The following NFASC variants were observed in gnomAD, a reference collection of about 807,000 sequenced individuals.
NFASC encodes the protein neurofascin homolog.
In NFASC, 43 loss-of-function variants were observed where a neutral mutation model predicts 147.5. That is an observed-to-expected ratio of 0.29 (90% CI 0.23 to 0.38). The LOEUF is 0.38. Among genes scored for constraint, NFASC ranks in the 10% least tolerant of loss-of-function variants. The pLI, the probability that NFASC is intolerant of heterozygous loss-of-function variation, is 1.00. For synonymous variants in NFASC, 622 were observed against 665.5 expected (o/e 0.93, Z 1.01); for missense variants, 1,320 against 1,689.0 (o/e 0.78, Z 3.83).
chr1:204,942,601 T>G (rs1309718296), intron 2 of NFASC, among the ~76,000 whole-genome samples: 3 of 152,074 alleles, frequency 2.0e-5, no homozygotes, highest in African/African-American at 7.2e-5. Flanking sequence ...ATCCCATAAA[T>G]GCGTACAATT....
At chr1:204,922,227 C>T (rs1472347673) in intron 2 of NFASC, among the ~76,000 whole-genome samples, 3 of 152,140 alleles carry the variant, frequency 2.0e-5, no homozygotes, top group Non-Finnish European at 4.4e-5. Context: ...CTATCCCTGT[C>T]CCTCCACAGC....
intron 8 of NFASC, among the ~76,000 whole-genome samples, chr1:204,958,816 C>T (rs768492560): frequency 6.6e-6 from 1 of 152,120 alleles, no homozygotes; most frequent in Non-Finnish European, 1.5e-5. Flanking sequence ...TTCCTGGAGC[C>T]CCTGCAGAGG....
Position 204,952,084 on chromosome 1 carries a change from T to A in NFASC, c.183T>A (p.Ile61=). The A allele has an allele frequency of 6.2e-7, 1 of 1,613,958 alleles. No homozygotes were observed. Among genetic ancestry groups the A allele is most frequent in the Non-Finnish European group, 8.5e-7 (1 of 1,179,958 alleles). ...HIVDPRDNIL[I]ECEAKGNPAP... ...TGGACCCCCGTGATAACATCCTGAT[T>A]GAGTGTGAAGCAAAAGGGAACCCTG... Residue 61 remains isoleucine, a synonymous_variant, in exon 5 of 30, where the codon ATT becomes ATA. Transcript: ENST00000339876.
intron 1 of NFASC, among the ~76,000 whole-genome samples, chr1:204,895,579 C>A (rs2083242000): frequency 6.6e-6 from 1 of 152,200 alleles, no homozygotes; most frequent in Non-Finnish European, 1.5e-5. Context: ...CAACAGTGGG[C>A]AGTCAGGATT....
chr1:204,894,020 G>C (rs968628240), intron 1 of NFASC, among the ~76,000 whole-genome samples: 1 of 152,164 alleles, frequency 6.6e-6, no homozygotes, highest in African/African-American at 2.4e-5. Flanking sequence ...AGTTATAAAG[G>C]ACCCAGGCTT....
chr1:204,973,238 C>G (rs778337056), intron 11 of NFASC, 38 bp from the exon 12 acceptor site: 2 of 1,611,626 alleles, frequency 1.2e-6, no homozygotes, highest in East Asian at 4.5e-5. Flanking sequence ...CCCTGCCCTC[C>G]CCATCTCTCA....
At chr1:204,853,471 C>G (rs1436827590) in intron 1 of NFASC, among the ~76,000 whole-genome samples, 1 of 152,194 alleles carries the variant, frequency 6.6e-6, no homozygotes, top group Non-Finnish European at 1.5e-5. Flanking sequence ...CTTTCTGCAT[C>G]TCTTCTTACC....
chr1:204,944,587 A>T (rs1485743573), intron 3 of NFASC, 181 bp downstream of exon 3: 2 of 602,572 alleles, frequency 3.3e-6, no homozygotes, highest in Non-Finnish European at 5.7e-6. Flanking sequence ...CATGTTTGGA[A>T]GTTTGAGACT....
intron 1 of NFASC, among the ~76,000 whole-genome samples, chr1:204,902,299 G>GA (rs1473212541): frequency 1.3e-5 from 2 of 151,870 alleles, no homozygotes; most frequent in African/African-American, 2.4e-5. Flanking sequence ...AGGGTGTAAA[G>GA]AAAAAAAGAG....
At chr1:204,851,409 T>TGTG (rs2075683698) in intron 1 of NFASC, among the ~76,000 whole-genome samples, 1 of 151,770 alleles carries the variant, frequency 6.6e-6, no homozygotes, top group African/African-American at 2.4e-5. Context: ...CCTGACTCAC[T>TGTG]GCAACCTCCA....
At chr1:204,841,396 GT>G (rs1298184484) in intron 1 of NFASC, among the ~76,000 whole-genome samples, 2 of 152,210 alleles carry the variant, frequency 1.3e-5, no homozygotes, top group Non-Finnish European at 2.9e-5. Context: ...AAGCCTCCTT[GT>G]TTGGCTGTTG....
Position 204,973,423 on chromosome 1 carries a change from A to G in NFASC, c.1279+4A>G, listed in dbSNP as rs764479489. 1.9e-6 allele frequency: 3 copies of G among 1,614,166 alleles called. No homozygotes were observed. The highest frequency in any genetic ancestry group is 2.5e-6 in the Non-Finnish European group (3 of 1,180,002). ...AACGCCTTTGTCAGTGTGCTGGGTG[A>G]GTGTGCCCTTCGCAGCCTGTTTCCC... is the stretch of plus-strand genomic sequence containing the variant. On this transcript the variant is annotated splice_donor_region_variant and intron_variant, in intron 12 of 29. Coordinates refer to ENST00000339876, the MANE Select transcript of NFASC (RefSeq NM_001005388.3).
intron 1 of NFASC, among the ~76,000 whole-genome samples, chr1:204,832,309 T>C (rs1672444442): frequency 6.6e-6 from 1 of 152,174 alleles, no homozygotes; most frequent in African/African-American, 2.4e-5. Flanking sequence ...GCTTAGAATG[T>C]CAGTGAGTCA....
At chr1:204,993,906 C>T in intron 24 of NFASC, 1 of 423,820 alleles carries the variant, frequency 2.4e-6, no homozygotes, top group Non-Finnish European at 4.9e-6. Flanking sequence ...GGAAGGTTTT[C>T]CCCATGGAAC....
At chr1:204,953,286 T>TG (rs2094230723) in intron 5 of NFASC, among the ~76,000 whole-genome samples, 1 of 152,074 alleles carries the variant, frequency 6.6e-6, no homozygotes, top group South Asian at 2.1e-4. Flanking sequence ...GCCACTGTTT[T>TG]TTTGTTTGTT....
chr1:204,985,366 A>G (rs2095595183), intron 21 of NFASC, among the ~76,000 whole-genome samples: 1 of 152,232 alleles, frequency 6.6e-6, no homozygotes, highest in Admixed American at 6.5e-5. Context: ...TCTTCCAACA[A>G]TATGAAAAGA....
intron 2 of NFASC, among the ~76,000 whole-genome samples, chr1:204,943,252 T>C (rs1573460504): frequency 6.6e-6 from 1 of 152,170 alleles, no homozygotes; most frequent in East Asian, 1.9e-4. Context: ...CCTCAGGCAA[T>C]CTTAAAGCAC....
At chr1:204,946,121 C>A (rs1210702437) in intron 3 of NFASC, among the ~76,000 whole-genome samples, 1 of 152,232 alleles carries the variant, frequency 6.6e-6, no homozygotes. Context: ...TCCCCACCAT[C>A]TCCCCATTCC....
chr1:204,909,519 G>A (rs1477397155), intron 1 of NFASC, among the ~76,000 whole-genome samples: 2 of 152,146 alleles, frequency 1.3e-5, no homozygotes, highest in African/African-American at 2.4e-5. Flanking sequence ...TCATATGTGT[G>A]GTTTCTCCCA....
Sources: gnomAD v4.1 joint callset for allele counts (sites outside exome capture counted in the v4.1 genomes callset) on GRCh38, gnomAD v4.1.1 for gene constraint, MANE v1.5 for transcripts, NCBI Gene and HGNC (gene_info 2026-07-23, HGNC 2026-07-21) for gene names.